SLC24A4: variants seen among roughly 807,000 people sequenced by gnomAD.
SLC24A4 encodes the protein sodium/potassium/calcium exchanger 4.
A neutral mutation model predicts 79.0 loss-of-function variants in SLC24A4; 53 were observed. That is an observed-to-expected ratio of 0.67 (90% CI 0.54 to 0.84). SLC24A4 has a LOEUF of 0.84. Among genes scored for constraint, SLC24A4 ranks in the 40% least tolerant of loss-of-function variants. The pLI, the probability that SLC24A4 is intolerant of heterozygous loss-of-function variation, is 0.00. For missense variants in SLC24A4, 731 were observed against 822.0 expected, an observed-to-expected ratio of 0.89 and a Z score of 1.35; for synonymous variants, 323 against 323.8, an observed-to-expected ratio of 1.00 and a Z score of 0.03.
intron 12 of SLC24A4, among the ~76,000 whole-genome samples, chr14:92,464,481 G>A (rs529698474): frequency 9.9e-5 from 15 of 152,096 alleles, no homozygotes; most frequent in Admixed American, 3.3e-4. Context: ...ACAGATCTTC[G>A]CATGCCAGCA....
intron 12 of SLC24A4, among the ~76,000 whole-genome samples, chr14:92,472,085 T>C (rs1894467608): frequency 6.6e-6 from 1 of 152,160 alleles, no homozygotes. Flanking sequence ...AGCATGACTT[T>C]CATGTGCAAA....
chr14:92,432,105 G>A (rs1891907141), intron 2 of SLC24A4, among the ~76,000 whole-genome samples: 1 of 152,104 alleles, frequency 6.6e-6, no homozygotes, highest in East Asian at 1.9e-4. Context: ...ACAGGCAGCC[G>A]GGAACTCTGC....
In SLC24A4 at chr14:92,419,977, G is replaced by A. The variant is rs374720066; in HGVS notation, c.242-13935G>A. On this transcript the variant is annotated intron_variant, in intron 2 of 16. Transcript: ENST00000532405. ...ACTGGTGTCCTTATAAAAAGTCCAC[G>A]TGAAGACACAGGGACAAAGAGGGGA... Among the ~76,000 whole-genome samples, 484 of 152,278 alleles carry A rather than the reference G, an allele frequency of 3.2e-3. 1 individual carries two copies. Among genetic ancestry groups the A allele is most frequent in the African/African-American group, 0.011 (461 of 41,558 alleles).
intron 2 of SLC24A4, among the ~76,000 whole-genome samples, chr14:92,403,950 T>C (rs941634377): frequency 1.1e-4 from 17 of 151,320 alleles, no homozygotes; most frequent in Admixed American, 9.9e-4. Context: ...CGGATGGGGC[T>C]AGTTTATACT....
At chr14:92,473,682 G>A (rs1330310000) in intron 12 of SLC24A4, among the ~76,000 whole-genome samples, 1 of 152,146 alleles carries the variant, frequency 6.6e-6, no homozygotes, top group Non-Finnish European at 1.5e-5. Context: ...TGATCGGGCA[G>A]CCCCTATCTC....
At chr14:92,437,610 G>T (rs578166271) in intron 3 of SLC24A4, among the ~76,000 whole-genome samples, 2 of 152,274 alleles carry the variant, frequency 1.3e-5, no homozygotes, top group South Asian at 4.2e-4. Flanking sequence ...TTAGAATCTG[G>T]GTTCTTTACT....
chr14:92,447,545 C>A, intron 9 of SLC24A4, 121 bp downstream of exon 9: 1 of 949,340 alleles, frequency 1.1e-6, no homozygotes, highest in East Asian at 2.5e-5. Flanking sequence ...CCAGCCCCAG[C>A]TCTCTGGTAG....
At chr14:92,467,426 C>A (rs1252099280) in intron 12 of SLC24A4, among the ~76,000 whole-genome samples, 1 of 152,180 alleles carries the variant, frequency 6.6e-6, no homozygotes, top group Non-Finnish European at 1.5e-5. Flanking sequence ...ATGGCCTCAA[C>A]AAAAACCCCA....
chr14:92,382,228 A>G (rs867855077), intron 2 of SLC24A4, among the ~76,000 whole-genome samples: 1 of 152,162 alleles, frequency 6.6e-6, no homozygotes, highest in African/African-American at 2.4e-5. Context: ...TTGGGGAAAA[A>G]TAATGTTGGA....
chr14:92,351,236 G>GCGCGCGCA (rs112120101), intron 2 of SLC24A4, among the ~76,000 whole-genome samples: 20 of 147,070 alleles, frequency 1.4e-4, no homozygotes, highest in Middle Eastern at 3.4e-3. Flanking sequence ...ACACATACAC[G>GCGCGCGCA]CACACACACA....
chr14:92,405,021 C>T (rs955392640), intron 2 of SLC24A4, among the ~76,000 whole-genome samples: 7 of 152,098 alleles, frequency 4.6e-5, no homozygotes, highest in Admixed American at 6.5e-5. Flanking sequence ...GTGTTATAGG[C>T]GGGTACATAT....
chr14:92,329,844 T>C (rs1885365611), intron 2 of SLC24A4, among the ~76,000 whole-genome samples: 3 of 152,250 alleles, frequency 2.0e-5, no homozygotes. Context: ...CATATGTCAC[T>C]AACATTACTC....
intron 2 of SLC24A4, among the ~76,000 whole-genome samples, chr14:92,338,259 C>T (rs1202495949): frequency 6.6e-6 from 1 of 152,180 alleles, no homozygotes; most frequent in Non-Finnish European, 1.5e-5. Context: ...GCCTTAATTC[C>T]TGTCTGTGAA....
chr14:92,448,448 A>G (rs1892938763), intron 9 of SLC24A4, among the ~76,000 whole-genome samples: 1 of 151,872 alleles, frequency 6.6e-6, no homozygotes, highest in South Asian at 2.1e-4. Context: ...ACGTAATTAA[A>G]AAGACAACAC....
chr14:92,389,320 G>C (rs145322110), intron 2 of SLC24A4, among the ~76,000 whole-genome samples: 1,541 of 152,300 alleles, frequency 0.01, 8 homozygotes, highest in Non-Finnish European at 0.016. Flanking sequence ...CACATGCAGT[G>C]GGTGTTGTTA....
intron 12 of SLC24A4, among the ~76,000 whole-genome samples, chr14:92,472,678 A>T (rs1894504756): frequency 6.6e-6 from 1 of 151,878 alleles, no homozygotes; most frequent in Non-Finnish European, 1.5e-5. Flanking sequence ...TTCTTTATCC[A>T]CTCATTGATT....
chr14:92,429,583 T>G (rs1287413305), intron 2 of SLC24A4, among the ~76,000 whole-genome samples: 2 of 152,186 alleles, frequency 1.3e-5, no homozygotes, highest in Non-Finnish European at 1.5e-5. Flanking sequence ...CAAAATCCAA[T>G]GTATGTTTCA....
intron 2 of SLC24A4, among the ~76,000 whole-genome samples, chr14:92,423,958 C>G (rs995486266): frequency 1.3e-5 from 2 of 152,196 alleles, no homozygotes; most frequent in Non-Finnish European, 2.9e-5. Flanking sequence ...AAGGTATCAG[C>G]AGGATTGATT....
intron 13 of SLC24A4, among the ~76,000 whole-genome samples, chr14:92,485,730 A>G (rs914032741): frequency 5.9e-5 from 9 of 152,236 alleles, no homozygotes; most frequent in African/African-American, 1.7e-4. Flanking sequence ...AAATTAATGA[A>G]TATGTGAAAT....
Sources: allele counts gnomAD v4.1 joint callset (sites outside exome capture counted in the v4.1 genomes callset), GRCh38; gene constraint gnomAD v4.1.1; transcripts MANE v1.5; gene names NCBI Gene and HGNC (gene_info 2026-07-23, HGNC 2026-07-21).